The following CDK12 variants were observed in gnomAD, a reference collection of about 807,000 sequenced individuals.
CDK12 encodes cyclin-dependent kinase 12.
In CDK12, 17 loss-of-function variants were observed where a neutral mutation model predicts 133.8. The ratio of observed to expected loss-of-function variants is 0.13; its 90% CI spans 0.09 to 0.19. The LOEUF is 0.19. Ranked by LOEUF, CDK12 falls within the 10% of genes least tolerant of loss-of-function variation. The probability of loss-of-function intolerance (pLI) is 1.00; values close to 1 mark genes in which losing one functional copy is unlikely to be tolerated. For synonymous variants in CDK12, 694 were observed against 683.6 expected, an observed-to-expected ratio of 1.02 and a Z score of -0.24; for missense variants, 1,508 against 1,818.7, an observed-to-expected ratio of 0.83 and a Z score of 3.11.
intron 1 of CDK12, among the ~76,000 whole-genome samples, chr17:39,465,251 TAAAAAA>T (rs35826660): frequency 4.9e-5 from 6 of 121,280 alleles, no homozygotes; most frequent in Non-Finnish European, 9.9e-5. Flanking sequence ...GACTCAGTCT[TAAAAAA>T]AAAAAAAAAA....
intron 10 of CDK12, 150 bp from the exon 11 acceptor site, chr17:39,519,806 A>G: frequency 1.5e-6 from 1 of 669,626 alleles, no homozygotes; most frequent in Non-Finnish European, 2.6e-6. Flanking sequence ...TATGTTGCCC[A>G]GGTTGATCTC....
At chr17:39,502,241 C>T (rs1437151822) in intron 6 of CDK12, among the ~76,000 whole-genome samples, 2 of 152,088 alleles carry the variant, frequency 1.3e-5, no homozygotes, top group African/African-American at 2.4e-5. Context: ...CAAGCTCTGC[C>T]TCCCAGGTTC....
At chr17:39,470,825 C>T (rs991434899) in intron 1 of CDK12, 54 bp from the exon 2 acceptor site, 3 of 1,378,508 alleles carry the variant, frequency 2.2e-6, no homozygotes, top group Non-Finnish European at 3.0e-6. Flanking sequence ...GATCTGTTTT[C>T]CTCCATATAC....
chr17:39,549,162 A>G (rs2055848356), upstream of CDK12: 1 of 152,210 alleles, frequency 6.6e-6, no homozygotes, highest in Admixed American at 6.6e-5. Flanking sequence ...TCCTCTCCCA[A>G]CAGCTTTCAG....
chr17:39,483,823 A>G (rs1876361197), intron 2 of CDK12, among the ~76,000 whole-genome samples: 1 of 151,420 alleles, frequency 6.6e-6, no homozygotes, highest in South Asian at 2.1e-4. Flanking sequence ...CCTGGCGTAA[A>G]TATTTATAAA....
At chr17:39,511,422 C>A in intron 7 of CDK12, 107 bp from the exon 8 acceptor site, 1 of 678,088 alleles carries the variant, frequency 1.5e-6, no homozygotes, top group Non-Finnish European at 2.5e-6. Flanking sequence ...ATTTGTTTTT[C>A]AGTCTCATCT....
Position 39,495,237 on chromosome 17 carries a change from C to T in CDK12, c.2419+543C>T, listed in dbSNP as rs1052789298. Among the ~76,000 whole-genome samples the T allele has an allele frequency of 4.0e-5, 6 of 151,802 alleles. No individual in the cohort carries two copies. In the East Asian group the frequency reaches 7.7e-4, roughly 20 times the overall value. On this transcript the variant is annotated intron_variant, in intron 5 of 13. Coordinates refer to ENST00000447079, the MANE Select transcript of CDK12 (RefSeq NM_016507.4). ...GGATTTCAGGCATGCGCCATCATTC[C>T]GGGCTTATTTTTGTATATTTAGTGG...
At chr17:39,465,251 TAAAAAAA>T (rs35826660) in intron 1 of CDK12, among the ~76,000 whole-genome samples, 2 of 121,266 alleles carry the variant, frequency 1.6e-5, no homozygotes, top group Non-Finnish European at 3.3e-5. Flanking sequence ...GACTCAGTCT[TAAAAAAA>T]AAAAAAAAAA....
chr17:39,529,609 T>TTC (rs1371619104), intron 13 of CDK12, among the ~76,000 whole-genome samples: 1 of 152,212 alleles, frequency 6.6e-6, no homozygotes, highest in East Asian at 1.9e-4. Flanking sequence ...CTCAAACTCA[T>TTC]ACCATTTTAC....
intron 3 of CDK12, chr17:39,557,120 C>T (rs893655776): frequency 6.6e-6 from 1 of 152,162 alleles, no homozygotes; most frequent in African/African-American, 2.4e-5. Context: ...TCCTTTATGT[C>T]TGAGAGAGAG....
intron 3 of CDK12, among the ~76,000 whole-genome samples, chr17:39,562,897 C>CTTTTCT (rs2056428787): frequency 1.1e-5 from 1 of 93,682 alleles, no homozygotes; most frequent in African/African-American, 3.6e-5. Flanking sequence ...TTTTCTTTTT[C>CTTTTCT]TTTTCTTTTT....
downstream of CDK12, among the ~76,000 whole-genome samples, chr17:39,539,284 C>T (rs2055300764): frequency 6.6e-6 from 1 of 152,162 alleles, no homozygotes; most frequent in African/African-American, 2.4e-5. Context: ...TGGAGCTTCT[C>T]ATCCTAAAAT....
rs551859622 is a variant in CDK12 at position 39,555,943 on chromosome 17, AG to A, written n.357-341del. Among the ~76,000 whole-genome samples, 1,031 of 144,938 alleles carry A rather than the reference AG, an allele frequency of 7.1e-3. 16 individuals carry two copies. The highest frequency in any genetic ancestry group is 0.025 in the African/African-American group (988 of 38,918). ...CAGCTACTTGGGAGGCTGAGGTGGGAGGATTGCTTGAGCCTGGGAGGTGGAG... is the reference window on the plus strand; with the variant it reads ...CAGCTACTTGGGAGGCTGAGGTGGGAGATTGCTTGAGCCTGGGAGGTGGAG... On this transcript the variant is annotated intron_variant and non_coding_transcript_variant, in intron 2 of 3. Transcript: ENST00000558240.
Position 39,530,650 on chromosome 17 carries a change from C to A in CDK12, c.3807C>A (p.Pro1269=). Reference sequence around the variant, plus strand: ...CACCAGAGAAGAGGCCCCCTGAGCCCCCCGGACCTCCACCGCCGCCACCTC... The same window carrying A: ...CACCAGAGAAGAGGCCCCCTGAGCCACCCGGACCTCCACCGCCGCCACCTC... ...ILPPEKRPPE[P]PGPPPPPPPP... The change falls in exon 14 of 14, where the codon CCC becomes CCA. Residue 1269 remains proline (P), a synonymous_variant. Coordinates refer to ENST00000447079, the MANE Select transcript of CDK12 (RefSeq NM_016507.4). The A allele has an allele frequency of 6.2e-7, 1 of 1,611,058 alleles. No individual in the cohort carries two copies. The highest frequency in any genetic ancestry group is 1.3e-5 in the African/African-American group (1 of 74,934).
intron 11 of CDK12, among the ~76,000 whole-genome samples, chr17:39,522,912 G>T (rs1213733779): frequency 1.3e-5 from 2 of 151,830 alleles, no homozygotes; most frequent in East Asian, 3.9e-4. Flanking sequence ...AATTAACCAG[G>T]TGTGGTGGTG....
intron 1 of CDK12, 46 bp downstream of exon 1, chr17:39,463,163 G>T (rs777799769): frequency 2.6e-6 from 4 of 1,531,176 alleles, no homozygotes. Context: ...GGTGGGTTGC[G>T]AGGAATTGGC....
downstream of CDK12, among the ~76,000 whole-genome samples, chr17:39,535,549 C>G (rs542655393): frequency 1.4e-4 from 22 of 152,268 alleles, no homozygotes; most frequent in South Asian, 4.4e-3. Flanking sequence ...CTAGAAAATA[C>G]TGTTTTCACT....
chr17:39,518,425 C>T (rs149661289), intron 10 of CDK12, among the ~76,000 whole-genome samples: 17 of 152,046 alleles, frequency 1.1e-4, no homozygotes, highest in Middle Eastern at 3.4e-3. Flanking sequence ...CCTCAGCCCC[C>T]CAAATTGCTG....
chr17:39,511,873 C>G (rs879703252), intron 8 of CDK12, among the ~76,000 whole-genome samples: 5 of 151,980 alleles, frequency 3.3e-5, no homozygotes, highest in Non-Finnish European at 7.4e-5. Context: ...AAATAAGATA[C>G]CCAAGTAAGG....
Sources: gnomAD v4.1 joint callset for allele counts (sites outside exome capture counted in the v4.1 genomes callset) on GRCh38, gnomAD v4.1.1 for gene constraint, MANE v1.5 for transcripts, NCBI Gene and HGNC (gene_info 2026-07-23, HGNC 2026-07-21) for gene names.